TSGA10: variants seen among roughly 807,000 people sequenced by gnomAD.
The protein encoded by TSGA10 is testis specific 10, also known as testis-specific gene 10 protein.
In TSGA10, 43 loss-of-function variants were observed where a neutral mutation model predicts 96.6. The ratio of observed to expected loss-of-function variants is 0.44; its 90% CI spans 0.35 to 0.57. The LOEUF (loss-of-function observed/expected upper bound fraction) is 0.57. Among genes scored for constraint, TSGA10 ranks in the 20% least tolerant of loss-of-function variants. The probability of loss-of-function intolerance (pLI) is 0.01; values close to 1 mark genes in which losing one functional copy is unlikely to be tolerated. For synonymous variants in TSGA10, 229 were observed against 269.9 expected (o/e 0.85, Z 1.48); for missense variants, 703 against 834.4 (o/e 0.84, Z 1.94).
At chr2:99,057,728 TAGAA>T (rs2084171949) in intron 16 of TSGA10, among the ~76,000 whole-genome samples, 1 of 152,166 alleles carries the variant, frequency 6.6e-6, no homozygotes, top group Non-Finnish European at 1.5e-5. Flanking sequence ...GGTTTCTTTG[TAGAA>T]ATTGACAAGC....
chr2:99,063,102 T>G (rs1187925892), intron 16 of TSGA10, among the ~76,000 whole-genome samples: 1 of 152,206 alleles, frequency 6.6e-6, no homozygotes, highest in African/African-American at 2.4e-5. Flanking sequence ...CTTATTTTTA[T>G]GACAAAGTAG....
At chr2:99,023,443 TTTTG>T (rs1208120115) in intron 17 of TSGA10, among the ~76,000 whole-genome samples, 1 of 152,176 alleles carries the variant, frequency 6.6e-6, no homozygotes, top group African/African-American at 2.4e-5. Flanking sequence ...AATCTATTTT[TTTTG>T]TTTGTGTTTT....
chr2:99,093,781 T>C (rs1385750587), intron 10 of TSGA10, among the ~76,000 whole-genome samples: 4 of 152,076 alleles, frequency 2.6e-5, no homozygotes, highest in Non-Finnish European at 5.9e-5. Flanking sequence ...ACATGTCCCG[T>C]GCTCATGGAT....
intron 16 of TSGA10, among the ~76,000 whole-genome samples, chr2:99,042,742 G>A (rs1390988626): frequency 6.7e-6 from 1 of 150,292 alleles, no homozygotes; most frequent in Non-Finnish European, 1.5e-5. Context: ...CTTGCGTTGT[G>A]GCCCAGGCTG....
chr2:99,122,840 T>C (rs181171986), intron 2 of TSGA10, among the ~76,000 whole-genome samples: 252 of 152,090 alleles, frequency 1.7e-3, no homozygotes, highest in Middle Eastern at 6.8e-3. Context: ...CCCATATTTT[T>C]TGCTCTATAT....
At chr2:98,999,433 A>C (rs2077705537) in intron 20 of TSGA10, among the ~76,000 whole-genome samples, 1 of 152,208 alleles carries the variant, frequency 6.6e-6, no homozygotes, top group Admixed American at 6.5e-5. Context: ...GGTTAGAGGA[A>C]AGTAAATTCA....
intron 1 of TSGA10, 73 bp from the exon 2 acceptor site, chr2:99,127,249 A>G: frequency 1.9e-6 from 2 of 1,059,648 alleles, no homozygotes; most frequent in Non-Finnish European, 2.4e-6. Context: ...ACATCAATAC[A>G]TTTTGAAAAT....
In TSGA10 at chr2:99,068,897, T is replaced by G; in HGVS notation, c.1209A>C (p.Leu403Phe). ...AAAAAAAAATACATACTTCAGACTT[T>G]AATATATTCTTCAGCTTGTTAACCT... ...NLEVNKLKNI[L>F]KSEESENRQM... Residue 403 changes from leucine to phenylalanine, a missense_variant, in exon 15 of 21, where the codon TTA becomes TTC. This residue lies in a region of TSGA10 where 585 missense variants were observed against 656.8 expected (regional missense o/e 0.89). Coordinates refer to ENST00000393483, the MANE Select transcript of TSGA10 (RefSeq NM_025244.4). 4 of 1,431,490 alleles carry G rather than the reference T, an allele frequency of 2.8e-6. No homozygotes were observed. Among genetic ancestry groups the G allele is most frequent in the Non-Finnish European group, 3.7e-6 (4 of 1,084,714 alleles). 88.7% of individuals were successfully genotyped at this position (1,431,490 alleles called of 1,614,324 possible). A position where few individuals can be genotyped will look rare whatever the true frequency, so the allele number is the denominator to read the frequency against.
intron 10 of TSGA10, among the ~76,000 whole-genome samples, chr2:99,093,514 C>CA (rs929054440): frequency 6.7e-6 from 1 of 149,454 alleles, no homozygotes; most frequent in African/African-American, 2.5e-5. Context: ...AAGACTCCTC[C>CA]AAAAAGCTCC....
chr2:99,143,071 A>G (rs1294364961), intron 1 of TSGA10, among the ~76,000 whole-genome samples: 1 of 151,892 alleles, frequency 6.6e-6, no homozygotes, highest in Non-Finnish European at 1.5e-5. Flanking sequence ...AGAAAGTAAA[A>G]ATTTCCTTCC....
At position 99,104,028 on chromosome 2, in the gene TSGA10, T is replaced by C; in HGVS notation, c.550A>G (p.Arg184Gly). 6.2e-7 allele frequency: 1 copy of C among 1,614,156 alleles called. No individual in the cohort carries two copies. Among genetic ancestry groups the C allele is most frequent in the Non-Finnish European group, 8.5e-7 (1 of 1,180,006 alleles). The part of the protein sequence containing the change: ...TVEKEMKSLA[R>G]KAMDTESELG... ...TCACTTTCGGTATCCATTGCCTTTC[T>C]TGCTAGTGATTTCATTTCTTTTTCC... Residue 184 changes from arginine (R) to glycine (G), a missense_variant, in exon 10 of 21, where the codon AGA becomes GGA. Coordinates refer to ENST00000393483, the MANE Select transcript of TSGA10 (RefSeq NM_025244.4).
intron 4 of TSGA10, chr2:99,117,177 T>A (rs2092317040): frequency 6.6e-6 from 1 of 152,222 alleles, no homozygotes; most frequent in Non-Finnish European, 1.5e-5. Context: ...TCTTTTTTAA[T>A]GGGTATTGAA....
Position 99,054,604 on chromosome 2 carries a change from C to G in TSGA10, c.1404+10335G>C, listed in dbSNP as rs114033773. On this transcript the variant is annotated intron_variant, in intron 16 of 20. Transcript: ENST00000393483. The stretch of plus-strand genomic sequence containing the variant: ...AATGGGAAAAAATTTGTAAACCATA[C>G]AGCTGATAAGGGCTTAATATTCAAA... Among the ~76,000 whole-genome samples, 113 of 152,186 alleles carry G rather than the reference C, an allele frequency of 7.4e-4. 1 individual carries two copies. Among genetic ancestry groups the G allele is most frequent in the South Asian group, 2.3e-3 (11 of 4,822 alleles).
chr2:99,013,058 T>C (rs2079139949), intron 20 of TSGA10, among the ~76,000 whole-genome samples: 1 of 152,166 alleles, frequency 6.6e-6, no homozygotes, highest in Non-Finnish European at 1.5e-5. Context: ...TTTCTTTTCT[T>C]CTGCTGGGTT....
At chr2:99,134,288 C>T (rs1178284077) in intron 1 of TSGA10, among the ~76,000 whole-genome samples, 1 of 152,156 alleles carries the variant, frequency 6.6e-6, no homozygotes, top group East Asian at 1.9e-4. Context: ...TCTTCTCATC[C>T]TTTTTTCTCT....
chr2:99,007,437 C>T (rs2078602191), intron 20 of TSGA10, among the ~76,000 whole-genome samples: 1 of 150,340 alleles, frequency 6.7e-6, no homozygotes, highest in East Asian at 1.9e-4. Flanking sequence ...TAAATAGAAA[C>T]AACAAGAAAA....
At chr2:99,091,260 T>C (rs181321320) in intron 10 of TSGA10, among the ~76,000 whole-genome samples, 1 of 152,228 alleles carries the variant, frequency 6.6e-6, no homozygotes, top group African/African-American at 2.4e-5. Flanking sequence ...TACAAAGAAC[T>C]GCAAAACGAG....
chr2:99,034,075 G>A (rs376663882), intron 17 of TSGA10, among the ~76,000 whole-genome samples: 26 of 152,268 alleles, frequency 1.7e-4, no homozygotes, highest in East Asian at 1.5e-3. Context: ...GAATATGCTA[G>A]GTGAATTGAC....
chr2:99,093,897 G>T (rs2089681998), intron 10 of TSGA10, among the ~76,000 whole-genome samples: 1 of 151,868 alleles, frequency 6.6e-6, no homozygotes, highest in African/African-American at 2.4e-5. Context: ...AACTAGAAAA[G>T]ACAATCCCAA....
Sources: gnomAD v4.1 joint callset for allele counts (sites outside exome capture counted in the v4.1 genomes callset) on GRCh38, gnomAD v4.1.1 for gene constraint, gnomAD v4.1.1 regional missense constraint, MANE v1.5 for transcripts, NCBI Gene and HGNC (gene_info 2026-07-23, HGNC 2026-07-21) for gene names.